NUFIP1: variants seen among roughly 807,000 people sequenced by gnomAD.
NUFIP1 encodes FMR1-interacting protein NUFIP1.
Under a neutral mutation model 56.2 loss-of-function variants are expected in NUFIP1, and 38 were observed. The ratio of observed to expected loss-of-function variants is 0.68; its 90% CI spans 0.52 to 0.89. NUFIP1 has a LOEUF of 0.89. NUFIP1 is among the 40% of genes least tolerant of loss of function. The pLI is 0.00. For missense variants in NUFIP1, 567 were observed against 605.8 expected, an observed-to-expected ratio of 0.94 and a Z score of 0.67; for synonymous variants, 215 against 212.4, an observed-to-expected ratio of 1.01 and a Z score of -0.10.
rs1015975768 is a variant in NUFIP1 at position 44,940,017 on chromosome 13, A to C, written c.*1189T>G. 8 of 152,198 alleles carry C rather than the reference A, an allele frequency of 5.3e-5. No individual in the cohort carries two copies. Among genetic ancestry groups the C allele is most frequent in the Admixed American group, 5.2e-4 (8 of 15,278 alleles). The allele number at this position is 152,198 out of a possible 1,614,324, so 9.4% of individuals were successfully genotyped here. On this transcript the variant is annotated 3_prime_UTR_variant, in exon 10 of 10. Transcript: ENST00000379161. ...CACATCTTTGAATATATCAAAATTAAACTGAGTTCCTTGAAGTCAGACATG... is the reference window on the plus strand; with the variant it reads ...CACATCTTTGAATATATCAAAATTACACTGAGTTCCTTGAAGTCAGACATG...
intron 2 of NUFIP1, 129 bp from the exon 3 acceptor site, chr13:44,980,949 G>T: frequency 1.7e-6 from 1 of 575,550 alleles, no homozygotes; most frequent in Non-Finnish European, 3.0e-6. Context: ...GGAGAAGCTT[G>T]TGAGTATATT....
intron 8 of NUFIP1, among the ~76,000 whole-genome samples, chr13:44,946,354 G>A (rs560433817): frequency 1.3e-5 from 2 of 151,792 alleles, no homozygotes; most frequent in African/African-American, 4.8e-5. Flanking sequence ...TTGGTTTGTG[G>A]CCTTCTGAAA....
intron 5 of NUFIP1, among the ~76,000 whole-genome samples, chr13:44,967,022 G>A (rs1037928076): frequency 6.6e-6 from 1 of 151,434 alleles, no homozygotes; most frequent in Non-Finnish European, 1.5e-5. Flanking sequence ...AAAATATACT[G>A]TCTACCAGGA....
intron 8 of NUFIP1, among the ~76,000 whole-genome samples, chr13:44,945,242 A>G (rs941806041): frequency 1.3e-5 from 2 of 152,034 alleles, no homozygotes; most frequent in African/African-American, 4.8e-5. Flanking sequence ...ACTATATACC[A>G]ATAAATTAAC....
At chr13:44,972,352 C>A (rs1034696219) in intron 5 of NUFIP1, among the ~76,000 whole-genome samples, 1 of 152,166 alleles carries the variant, frequency 6.6e-6, no homozygotes, top group African/African-American at 2.4e-5. Context: ...CTACATGCAA[C>A]AACATGGATA....
intron 6 of NUFIP1, among the ~76,000 whole-genome samples, chr13:44,961,602 G>A (rs1171837247): frequency 6.6e-6 from 1 of 152,120 alleles, no homozygotes; most frequent in East Asian, 1.9e-4. Flanking sequence ...TAATATATAT[G>A]TATAGTCCAA....
chr13:44,986,767 G>A (rs1415647361), intron 1 of NUFIP1, among the ~76,000 whole-genome samples: 1 of 151,976 alleles, frequency 6.6e-6, no homozygotes, highest in African/African-American at 2.4e-5. Flanking sequence ...TTTAATGGAT[G>A]AGAAGTGGCT....
At chr13:44,949,199 A>T (rs1298450154) in intron 8 of NUFIP1, among the ~76,000 whole-genome samples, 110 of 112,574 alleles carry the variant, frequency 9.8e-4, no homozygotes, top group African/African-American at 2.0e-3. Flanking sequence ...ATTATATTGT[A>T]TTTTTTTTTT....
At chr13:44,952,611 C>T (rs749323267) in intron 7 of NUFIP1, among the ~76,000 whole-genome samples, 1 of 152,158 alleles carries the variant, frequency 6.6e-6, no homozygotes, top group Non-Finnish European at 1.5e-5. Flanking sequence ...TGGATTTATA[C>T]AAATGTTGCA....
intron 7 of NUFIP1, among the ~76,000 whole-genome samples, chr13:44,954,163 A>G (rs967247720): frequency 1.3e-5 from 2 of 152,194 alleles, no homozygotes; most frequent in Non-Finnish European, 2.9e-5. Context: ...AAAACAGCTA[A>G]AACATCTTTC....
intron 1 of NUFIP1, 43 bp downstream of exon 1, chr13:44,988,982 G>C: frequency 1.9e-6 from 3 of 1,599,760 alleles, no homozygotes; most frequent in Non-Finnish European, 2.6e-6. Flanking sequence ...AAAGAACGGG[G>C]GAAAAAGGTA....
intron 8 of NUFIP1, among the ~76,000 whole-genome samples, chr13:44,949,241 G>A (rs529931619): frequency 4.4e-5 from 5 of 112,486 alleles, no homozygotes; most frequent in African/African-American, 7.1e-5. Context: ...TCGCTCTGTC[G>A]CCCAGGCTGG....
rs1390488572 is a variant in NUFIP1, at chr13:44,989,306, G to A, written c.131C>T (p.Pro44Leu). 3 of 1,613,186 alleles carry A rather than the reference G, an allele frequency of 1.9e-6. No individual in the cohort carries two copies. Among genetic ancestry groups the A allele is most frequent in the Non-Finnish European group, 2.5e-6 (3 of 1,179,830 alleles). ...RDSWMFWAMLPPPPPPLTSSL... is the reference protein window; with the variant it reads ...RDSWMFWAMLLPPPPPLTSSL... Reference sequence around the variant, plus strand: ...GGACGTAAGTGGTGGTGGCGGTGGCGGCAGCATTGCCCAGAACATCCAGCT... The same window carrying A: ...GGACGTAAGTGGTGGTGGCGGTGGCAGCAGCATTGCCCAGAACATCCAGCT... Residue 44 changes from proline to leucine, a missense_variant, in exon 1 of 10, where the codon CCG (proline) becomes CTG (leucine). Pro to Leu is a moderately conservative substitution (Grantham distance 98). Transcript: ENST00000379161.
rs577220674 is a variant in NUFIP1 at position 44,940,550 on chromosome 13, T to G, written c.*656A>C. ...ATTATAGGAGACAAAAAGATCTCAA[T>G]AGCTTTCATTTACTTTACAATTTTT... On this transcript the variant is annotated 3_prime_UTR_variant, in exon 10 of 10. Coordinates refer to ENST00000379161, the MANE Select transcript of NUFIP1 (RefSeq NM_012345.3). 6.6e-6 allele frequency: 1 copy of G among 152,366 alleles called. No homozygotes were observed. The highest frequency in any genetic ancestry group is 2.1e-4 in the South Asian group (1 of 4,828). The allele number at this position is 152,366 out of a possible 1,614,324, so 9.4% of individuals were successfully genotyped here.
Position 44,959,387 on chromosome 13 carries a change from C to T in NUFIP1, c.1015G>A (p.Asp339Asn), listed in dbSNP as rs1467418967. ...ADPLGVLINS[D>N]SESDKEEKPQ... ...ATTTTCCTGTTTAGCTTACCAGAAT[C>T]ACTGTTTATCAAAACACCAAGAGGA... Residue 339 changes from aspartate to asparagine, a missense_variant, in exon 7 of 10, where the codon GAT becomes AAT. Transcript: ENST00000379161. 1 of 1,612,454 alleles carries T rather than the reference C, an allele frequency of 6.2e-7. No individual in the cohort carries two copies. The highest frequency in any genetic ancestry group is 8.5e-7 in the Non-Finnish European group (1 of 1,179,552).
At chr13:44,978,384 G>C (rs1181696239) in intron 5 of NUFIP1, among the ~76,000 whole-genome samples, 1 of 151,894 alleles carries the variant, frequency 6.6e-6, no homozygotes, top group Non-Finnish European at 1.5e-5. Context: ...TTTCATCCCA[G>C]GCTCTCTTCA....
chr13:44,983,525 G>A (rs1872272576), intron 1 of NUFIP1, among the ~76,000 whole-genome samples: 11 of 151,882 alleles, frequency 7.2e-5, no homozygotes, highest in Admixed American at 7.2e-4. Flanking sequence ...GGGCTGGCAT[G>A]ATGGCTCACA....
intron 5 of NUFIP1, among the ~76,000 whole-genome samples, chr13:44,976,928 A>G (rs1033886808): frequency 2.0e-5 from 3 of 152,170 alleles, no homozygotes; most frequent in African/African-American, 7.2e-5. Flanking sequence ...CCACCAATCC[A>G]TGAATGAATT....
At chr13:44,968,788 A>AGT (rs926909299) in intron 5 of NUFIP1, among the ~76,000 whole-genome samples, 13 of 152,342 alleles carry the variant, frequency 8.5e-5, no homozygotes, top group African/African-American at 3.1e-4. Flanking sequence ...TTGGCACTAC[A>AGT]GTGTACTACG....
Sources: allele counts gnomAD v4.1 joint callset (sites outside exome capture counted in the v4.1 genomes callset), GRCh38; gene constraint gnomAD v4.1.1; transcripts MANE v1.5; gene names NCBI Gene and HGNC (gene_info 2026-07-23, HGNC 2026-07-21).